Variants in MTREX observed in about 807,000 individuals in gnomAD.
MTREX encodes exosome RNA helicase MTR4.
In MTREX, 76 loss-of-function variants were observed where a neutral mutation model predicts 135.4. That is an observed-to-expected ratio of 0.56 (90% CI 0.47 to 0.68). MTREX has a LOEUF of 0.68. Ranked by LOEUF, MTREX falls within the 30% of genes least tolerant of loss-of-function variation. The pLI is 0.00. For missense variants in MTREX, 920 were observed against 1,262.1 expected (o/e 0.73, Z 4.11); for synonymous variants, 404 against 401.6 (o/e 1.01, Z -0.07).
At position 55,425,029 on chromosome 5, in the gene MTREX, A is replaced by C. The variant is rs777643583; in HGVS notation, c.*257A>C. On this transcript the variant is annotated 3_prime_UTR_variant, in exon 27 of 27. Transcript: ENST00000230640. The stretch of plus-strand genomic sequence containing the variant: ...TTTTTTTAATGAGTTTAGAGCTATT[A>C]GATAACCACTGAGTTAAAGGTAACT... The C allele has an allele frequency of 1.5e-4, 126 of 860,784 alleles. 1 individual carries two copies. The highest frequency in any genetic ancestry group is 2.0e-4 in the Non-Finnish European group (110 of 562,148). 53.3% of individuals were successfully genotyped at this position (860,784 alleles called of 1,614,324 possible). A position where few individuals can be genotyped will look rare whatever the true frequency, so the allele number is the denominator to read the frequency against.
chr5:55,344,302 G>A (rs960101303), intron 8 of MTREX, among the ~76,000 whole-genome samples: 1 of 152,152 alleles, frequency 6.6e-6, no homozygotes, highest in Non-Finnish European at 1.5e-5. Context: ...TTTAGCCCTG[G>A]TTAGGGAATT....
chr5:55,400,209 A>G (rs767672106), intron 20 of MTREX, 24 bp from the exon 21 acceptor site: 49 of 1,524,878 alleles, frequency 3.2e-5, no homozygotes, highest in Non-Finnish European at 4.2e-5. Context: ...TAAGATGAAA[A>G]TGAATTTTAC....
intron 25 of MTREX, among the ~76,000 whole-genome samples, chr5:55,418,090 T>C (rs950439985): frequency 1.5e-4 from 23 of 151,298 alleles, no homozygotes; most frequent in East Asian, 5.9e-4. Context: ...AAAAATTAGC[T>C]GGGTGTGGTG....
chr5:55,387,241 G>T (rs189420744), intron 18 of MTREX, among the ~76,000 whole-genome samples: 6 of 152,158 alleles, frequency 3.9e-5, no homozygotes, highest in Non-Finnish European at 8.8e-5. Flanking sequence ...TTGTTAAACA[G>T]TTGGTAGTTT....
chr5:55,378,211 G>A (rs962055973), intron 16 of MTREX, 103 bp from the exon 17 acceptor site: 20 of 1,323,208 alleles, frequency 1.5e-5, no homozygotes, highest in Middle Eastern at 2.8e-4. Flanking sequence ...AACAAAAACC[G>A]CAACTACACT....
At chr5:55,339,801 T>G (rs924533192) in intron 5 of MTREX, among the ~76,000 whole-genome samples, 1 of 152,218 alleles carries the variant, frequency 6.6e-6, no homozygotes, top group Admixed American at 6.5e-5. Flanking sequence ...TTGCATTAAC[T>G]CTGAGTGACC....
At chr5:55,421,471 A>G (rs1304906749) in intron 25 of MTREX, among the ~76,000 whole-genome samples, 4 of 152,202 alleles carry the variant, frequency 2.6e-5, no homozygotes, top group Non-Finnish European at 4.4e-5. Flanking sequence ...AGTTTCCAGA[A>G]ATTGAGTCGA....
Position 55,308,116 on chromosome 5 carries a change from AAGGGGCCTCC to A in MTREX, c.108_117del (p.Pro37LeufsTer27). 1.2e-6 allele frequency: 2 copies of A among 1,613,442 alleles called. No homozygotes were observed. The highest frequency in any genetic ancestry group is 1.7e-6 in the Non-Finnish European group (2 of 1,179,710). On this transcript the variant is annotated frameshift_variant, in exon 1 of 27. Coordinates refer to ENST00000230640, the MANE Select transcript of MTREX (RefSeq NM_015360.5). LOFTEE classifies it high-confidence loss of function. The stretch of plus-strand genomic sequence containing the variant: ...CAAGGAAAAGGACAAGGGGAAATGG[AAGGGGCCTCC>A]AGGGTCTGCAGACAAGGCAGGGTAA...
chr5:55,337,266 G>A lies in MTREX; in HGVS notation c.516-2744G>A, dbSNP rs140266423. Among the ~76,000 whole-genome samples, 204 of 152,062 alleles carry A rather than the reference G, an allele frequency of 1.3e-3. No homozygotes were observed. The East Asian group carries it at 0.031, about 23-fold the overall frequency. The stretch of plus-strand genomic sequence containing the variant: ...CACCTTAGTAACTGGGAGTACAGAC[G>A]TGCGCTACCACACCCAGCTAATTTT... On this transcript the variant is annotated intron_variant, in intron 5 of 26. Coordinates refer to ENST00000230640, the MANE Select transcript of MTREX (RefSeq NM_015360.5).
At chr5:55,419,934 G>A (rs1751027697) in intron 25 of MTREX, among the ~76,000 whole-genome samples, 1 of 152,154 alleles carries the variant, frequency 6.6e-6, no homozygotes, top group Non-Finnish European at 1.5e-5. Context: ...TCAGTGTCAT[G>A]AGTGGTTTTC....
intron 15 of MTREX, among the ~76,000 whole-genome samples, chr5:55,362,979 T>TA (rs1436501122): frequency 2.6e-5 from 4 of 152,220 alleles, no homozygotes; most frequent in African/African-American, 9.6e-5. Context: ...TTTCTGAAAT[T>TA]ACTAAATAAA....
At chr5:55,372,497 C>T (rs1489914470) in intron 16 of MTREX, among the ~76,000 whole-genome samples, 1 of 152,066 alleles carries the variant, frequency 6.6e-6, no homozygotes, top group Non-Finnish European at 1.5e-5. Context: ...TCATCAGTCC[C>T]TAGGAAAGCT....
At position 55,358,573 on chromosome 5, in the gene MTREX, A is replaced by G. The variant is rs750242851; in HGVS notation, c.1534A>G (p.Ile512Val). Residue 512 changes from isoleucine to valine, a missense_variant and splice_region_variant, in exon 15 of 27, where the codon ATT (isoleucine) becomes GTT (valine). Physicochemically the swap from Ile to Val is conservative, Grantham distance 29. Coordinates refer to ENST00000230640, the MANE Select transcript of MTREX (RefSeq NM_015360.5). ...CTGAATTTTAACTATGTTCATTCAG[A>G]TTTCTTCTGGTGAATACATTCAGAT... is the stretch of plus-strand genomic sequence containing the variant. ...RKFDGKDFRWISSGEYIQMSG... is the reference protein window; with the variant it reads ...RKFDGKDFRWVSSGEYIQMSG... 1 of 1,592,792 alleles carries G rather than the reference A, an allele frequency of 6.3e-7. No individual in the cohort carries two copies. The highest frequency in any genetic ancestry group is 1.2e-5 in the South Asian group (1 of 85,136).
At chr5:55,335,601 T>G (rs1416820159) in intron 5 of MTREX, among the ~76,000 whole-genome samples, 1 of 152,092 alleles carries the variant, frequency 6.6e-6, no homozygotes, top group Admixed American at 6.5e-5. Flanking sequence ...ACTCGTAAAT[T>G]GTGTAGGATC....
intron 25 of MTREX, among the ~76,000 whole-genome samples, chr5:55,422,020 A>T (rs921901632): frequency 1.3e-5 from 2 of 152,184 alleles, no homozygotes; most frequent in Non-Finnish European, 2.9e-5. Flanking sequence ...AATAACAAAT[A>T]ATTATTATTA....
intron 26 of MTREX, 184 bp from the exon 27 acceptor site, chr5:55,424,536 G>GTA (rs1751117007): frequency 3.6e-6 from 2 of 561,314 alleles, no homozygotes; most frequent in African/African-American, 1.9e-5. Flanking sequence ...GGTCTGGCTT[G>GTA]TATGTTTTCC....
intron 19 of MTREX, among the ~76,000 whole-genome samples, chr5:55,389,836 A>G (rs1202416797): frequency 6.8e-6 from 1 of 146,874 alleles, no homozygotes; most frequent in East Asian, 2.1e-4. Context: ...ATATTTACAT[A>G]TAATTATATA....
Position 55,308,010 on chromosome 5 carries a change from A to T in MTREX, c.-4A>T. ...AGGGAGATTTGCTCTCACTGCTCCC[A>T]AAAATGGCGGACGCATTCGGAGATG... On this transcript the variant is annotated 5_prime_UTR_variant, in exon 1 of 27. Coordinates refer to ENST00000230640, the MANE Select transcript of MTREX (RefSeq NM_015360.5). The T allele has an allele frequency of 6.2e-7, 1 of 1,613,950 alleles. No individual in the cohort carries two copies. Among genetic ancestry groups the T allele is most frequent in the Non-Finnish European group, 8.5e-7 (1 of 1,179,894 alleles).
intron 12 of MTREX, among the ~76,000 whole-genome samples, chr5:55,350,676 T>G (rs1342003372): frequency 6.6e-6 from 1 of 152,188 alleles, no homozygotes; most frequent in Non-Finnish European, 1.5e-5. Flanking sequence ...GCTGGAAAAT[T>G]TAAGACAGCA....
Sources: allele counts gnomAD v4.1 joint callset (sites outside exome capture counted in the v4.1 genomes callset), GRCh38; gene constraint gnomAD v4.1.1; transcripts MANE v1.5; gene names NCBI Gene and HGNC (gene_info 2026-07-23, HGNC 2026-07-21).